The following TRABD2A variants were observed in gnomAD, a reference collection of about 807,000 sequenced individuals.
TRABD2A encodes the protein TraB domain containing 2A.
In TRABD2A, 43 loss-of-function variants were observed where a neutral mutation model predicts 45.6. The ratio of observed to expected loss-of-function variants is 0.94; its 90% CI spans 0.74 to 1.22. TRABD2A has a LOEUF of 1.22. Among genes scored for constraint, TRABD2A ranks in the 50% most tolerant of loss-of-function variants. The pLI, the probability that TRABD2A is intolerant of heterozygous loss-of-function variation, is 0.00. For missense variants in TRABD2A, 642 were observed against 652.4 expected (o/e 0.98, Z 0.17); for synonymous variants, 269 against 265.0 (o/e 1.02, Z -0.15).
In TRABD2A at chr2:84,830,669, T is replaced by G. The variant is rs1304572025; in HGVS notation, c.1082+1386A>C. Reference sequence around the variant, plus strand: ...ATCAGCGCTTCTGTAAACTAGAAAGTGCTCTGTGAAGGGCGGTCAGTATTG... The same window carrying G: ...ATCAGCGCTTCTGTAAACTAGAAAGGGCTCTGTGAAGGGCGGTCAGTATTG... On this transcript the variant is annotated intron_variant, in intron 5 of 6. Transcript: ENST00000409520. The surrounding 1 kb of genome is among the most constrained non-coding windows in gnomAD (Gnocchi z 4.9). Among the ~76,000 whole-genome samples, 2 of 152,084 alleles carry G rather than the reference T, an allele frequency of 1.3e-5. No homozygotes were observed. Among genetic ancestry groups the G allele is most frequent in the Non-Finnish European group, 2.9e-5 (2 of 68,008 alleles).
intron 5 of TRABD2A, among the ~76,000 whole-genome samples, chr2:84,824,731 G>C (rs1381623798): frequency 6.6e-6 from 1 of 152,046 alleles, no homozygotes; most frequent in Non-Finnish European, 1.5e-5. Context: ...TTTAAAGACA[G>C]ATGGAAAATG....
intron 2 of TRABD2A, among the ~76,000 whole-genome samples, chr2:84,860,223 G>T (rs1229081707): frequency 6.6e-6 from 1 of 152,114 alleles, no homozygotes; most frequent in Admixed American, 6.5e-5. Context: ...TCTGTGTTAT[G>T]GGCTGAACTG....
chr2:84,861,759 T>TA (rs1451573590), intron 2 of TRABD2A, among the ~76,000 whole-genome samples: 1 of 152,212 alleles, frequency 6.6e-6, no homozygotes, highest in African/African-American at 2.4e-5. Flanking sequence ...TACCTGCCTG[T>TA]ATTCTGCTCA....
At chr2:84,868,762 T>C (rs1291355725) in intron 2 of TRABD2A, among the ~76,000 whole-genome samples, 1 of 152,200 alleles carries the variant, frequency 6.6e-6, no homozygotes, top group Admixed American at 6.5e-5. Context: ...AAGCTTTTTT[T>C]CCCCAATTGG....
At chr2:84,876,414 G>A (rs1683028454) in intron 1 of TRABD2A, among the ~76,000 whole-genome samples, 1 of 152,250 alleles carries the variant, frequency 6.6e-6, no homozygotes, top group Non-Finnish European at 1.5e-5. Context: ...GGGAAAATCA[G>A]AAGAGTAGGA....
chr2:84,827,058 A>C (rs1455591293), intron 5 of TRABD2A, among the ~76,000 whole-genome samples: 1 of 152,170 alleles, frequency 6.6e-6, no homozygotes, highest in Non-Finnish European at 1.5e-5. Flanking sequence ...CCAGCTGCTG[A>C]ACACACCCAA....
In TRABD2A at chr2:84,841,845, G is replaced by C; in HGVS notation, c.816+16C>G. ...TTAAATGTGTGCTGAGCTTGGCAGG[G>C]GGAAAGGGTGCTCACCTGGGAGCTG... is the stretch of plus-strand genomic sequence containing the variant. On this transcript the variant is annotated intron_variant, in intron 3 of 6. Transcript: ENST00000409520. The C allele has an allele frequency of 6.6e-7, 1 of 1,508,100 alleles. No individual in the cohort carries two copies. The highest frequency in any genetic ancestry group is 1.4e-5 in the African/African-American group (1 of 71,362). 93.4% of individuals were successfully genotyped at this position (1,508,100 alleles called of 1,614,324 possible).
rs1429329929 is a variant in TRABD2A, at chr2:84,821,902, T to C, written c.*15A>G. Reference sequence around the variant, plus strand: ...AGTCCGAGGGGTCAGGTTCTTAGCCTGGTGCTTCCAGTCGTTACAGGAGGG... The same window carrying C: ...AGTCCGAGGGGTCAGGTTCTTAGCCCGGTGCTTCCAGTCGTTACAGGAGGG... On this transcript the variant is annotated 3_prime_UTR_variant, in exon 7 of 7. Transcript: ENST00000409520. 7.0e-6 allele frequency: 11 copies of C among 1,569,708 alleles called. No individual in the cohort carries two copies. The highest frequency in any genetic ancestry group is 8.6e-6 in the Non-Finnish European group (10 of 1,156,950).
intron 5 of TRABD2A, among the ~76,000 whole-genome samples, chr2:84,828,056 G>A (rs1314868852): frequency 3.9e-5 from 6 of 152,186 alleles, no homozygotes; most frequent in Non-Finnish European, 8.8e-5. Context: ...AACTAACATA[G>A]TATCCATTAC....
At chr2:84,842,222 G>T (rs1265968428) in intron 2 of TRABD2A, among the ~76,000 whole-genome samples, 2 of 152,126 alleles carry the variant, frequency 1.3e-5, no homozygotes, top group Non-Finnish European at 2.9e-5. Flanking sequence ...CACACCTAGG[G>T]AACTGCCTTA....
chr2:84,834,707 C>T (rs1444038925), intron 4 of TRABD2A: 1 of 151,946 alleles, frequency 6.6e-6, no homozygotes, highest in African/African-American at 2.4e-5. Flanking sequence ...CATGTAGTAC[C>T]ATATATCAGT....
At chr2:84,864,524 G>A (rs1046001351) in intron 2 of TRABD2A, among the ~76,000 whole-genome samples, 1 of 152,114 alleles carries the variant, frequency 6.6e-6, no homozygotes, top group Non-Finnish European at 1.5e-5. Context: ...GGCAGAGTTG[G>A]ATTAGAAACA....
At chr2:84,831,614 G>A (rs1681340951) in intron 5 of TRABD2A, among the ~76,000 whole-genome samples, 1 of 151,802 alleles carries the variant, frequency 6.6e-6, no homozygotes, top group South Asian at 2.1e-4. Context: ...CCCCTGAGAA[G>A]GGTGAGACAT....
In TRABD2A at chr2:84,860,020, G is replaced by T. The variant is rs114281864; in HGVS notation, c.669+10205C>A. Among the ~76,000 whole-genome samples the T allele has an allele frequency of 3.6e-3, 541 of 152,128 alleles. 4 individuals are homozygous for T. Among genetic ancestry groups the T allele is most frequent in the African/African-American group, 0.013 (531 of 41,500 alleles). On this transcript the variant is annotated intron_variant, in intron 2 of 6. Coordinates refer to ENST00000409520, the MANE Select transcript of TRABD2A (RefSeq NM_001277053.2). ...GGCTCAAGTGAACTTTGCTATAAGA[G>T]AATTAGCCACAATGCAAGCACCTGC...
chr2:84,868,495 TATTAACTA>T (rs1375250536), intron 2 of TRABD2A, among the ~76,000 whole-genome samples: 1 of 148,022 alleles, frequency 6.8e-6, no homozygotes, highest in Admixed American at 6.6e-5. Flanking sequence ...ATGGTGCAGC[TATTAACTA>T]ATTAACTAAT....
chr2:84,824,410 C>T (rs1681092820), intron 5 of TRABD2A, among the ~76,000 whole-genome samples: 1 of 152,106 alleles, frequency 6.6e-6, no homozygotes, highest in Admixed American at 6.6e-5. Flanking sequence ...CAGATATCCT[C>T]ACCCTACCTT....
At chr2:84,849,735 A>G (rs1245828233) in intron 2 of TRABD2A, among the ~76,000 whole-genome samples, 1 of 152,230 alleles carries the variant, frequency 6.6e-6, no homozygotes, top group African/African-American at 2.4e-5. Flanking sequence ...TTGCAAATAA[A>G]AAAATGCCTT....
In TRABD2A at chr2:84,866,407, G is replaced by C. The variant is rs377521788; in HGVS notation, c.669+3818C>G. Among the ~76,000 whole-genome samples the C allele has an allele frequency of 7.9e-5, 12 of 152,154 alleles. No individual in the cohort carries two copies. In the East Asian group the frequency reaches 2.3e-3, roughly 29 times the overall value. ...ACCACATAAAACAGAACTGCAAGTC[G>C]GATTCAGCCCATATGCCTCTTATTT... On this transcript the variant is annotated intron_variant, in intron 2 of 6. Transcript: ENST00000409520.
chr2:84,847,855 C>G (rs1681950733), intron 2 of TRABD2A, among the ~76,000 whole-genome samples: 1 of 152,196 alleles, frequency 6.6e-6, no homozygotes, highest in Non-Finnish European at 1.5e-5. Flanking sequence ...TTGACGAGGT[C>G]ATGCTCCCTC....
Sources: allele counts gnomAD v4.1 joint callset (sites outside exome capture counted in the v4.1 genomes callset), GRCh38; gene constraint gnomAD v4.1.1; non-coding constraint Gnocchi (gnomAD v3.1); transcripts MANE v1.5; gene names NCBI Gene and HGNC (gene_info 2026-07-23, HGNC 2026-07-21).